TCF4: variants seen among roughly 807,000 people sequenced by gnomAD.
TCF4 encodes transcription factor 4.
A neutral mutation model predicts 82.1 loss-of-function variants in TCF4; 3 were observed. That is an observed-to-expected ratio of 0.04 (90% CI 0.02 to 0.09). The LOEUF (loss-of-function observed/expected upper bound fraction) is 0.09. Among genes scored for constraint, TCF4 ranks in the 10% least tolerant of loss-of-function variants. The pLI is 1.00. For synonymous variants in TCF4, 276 were observed against 309.6 expected (o/e 0.89, Z 1.14); for missense variants, 518 against 852.7 (o/e 0.61, Z 4.89).
chr18:55,277,711 C>G (rs1466936056), intron 9 of TCF4, among the ~76,000 whole-genome samples: 1 of 151,608 alleles, frequency 6.6e-6, no homozygotes, highest in Non-Finnish European at 1.5e-5. Context: ...TATAATCTAC[C>G]TGGCCTCTCC....
At chr18:55,327,388 A>C (rs976641793) in intron 8 of TCF4, among the ~76,000 whole-genome samples, 3 of 152,104 alleles carry the variant, frequency 2.0e-5, no homozygotes, top group African/African-American at 7.2e-5. Context: ...TCTCAGGTAA[A>C]ATACTTTTAA....
chr18:55,591,347 G>A (rs1209314851), upstream of TCF4: 2 of 152,198 alleles, frequency 1.3e-5, no homozygotes, highest in Admixed American at 1.3e-4. Flanking sequence ...ACAAACGTTG[G>A]GTTAGGAGAA....
intron 2 of TCF4, among the ~76,000 whole-genome samples, chr18:55,602,595 T>C (rs984884075): frequency 7.2e-5 from 11 of 152,208 alleles, no homozygotes; most frequent in African/African-American, 2.7e-4. Context: ...AAATGACTTT[T>C]CGATTATCAG....
intron 9 of TCF4, 99 bp downstream of exon 9, chr18:55,279,452 C>T (rs1280826403): frequency 1.3e-6 from 2 of 1,565,784 alleles, no homozygotes; most frequent in South Asian, 1.1e-5. Flanking sequence ...AAATTCTACA[C>T]TTGCCTACTA....
At chr18:55,288,108 G>C (rs965115109) in intron 8 of TCF4, among the ~76,000 whole-genome samples, 4 of 152,130 alleles carry the variant, frequency 2.6e-5, no homozygotes, top group Admixed American at 6.5e-5. Context: ...TGCCAGGAGA[G>C]ATGTGAGTGG....
At chr18:55,253,940 T>TA (rs2056033762) in intron 15 of TCF4, among the ~76,000 whole-genome samples, 1 of 152,200 alleles carries the variant, frequency 6.6e-6, no homozygotes, top group Non-Finnish European at 1.5e-5. Flanking sequence ...CACAAAAACT[T>TA]AAACATGAAT....
At chr18:55,241,282 C>T (rs1468931444) in intron 15 of TCF4, among the ~76,000 whole-genome samples, 1 of 152,198 alleles carries the variant, frequency 6.6e-6, no homozygotes, top group East Asian at 1.9e-4. Context: ...CCTCAATTCT[C>T]GACATCATTT....
At chr18:55,460,891 T>C in intron 5 of TCF4, 128 bp downstream of exon 5, 1 of 790,668 alleles carries the variant, frequency 1.3e-6, no homozygotes, top group Non-Finnish European at 2.1e-6. Context: ...CAATTTAAGA[T>C]TATTACAAGT....
At chr18:55,322,546 G>A (rs1206168202) in intron 8 of TCF4, among the ~76,000 whole-genome samples, 2 of 151,922 alleles carry the variant, frequency 1.3e-5, no homozygotes, top group African/African-American at 2.4e-5. Context: ...GAATGAAACA[G>A]AGTAGCAGTG....
intron 13 of TCF4, among the ~76,000 whole-genome samples, chr18:55,258,616 T>G (rs1214020650): frequency 6.6e-6 from 1 of 152,162 alleles, no homozygotes; most frequent in African/African-American, 2.4e-5. Context: ...CAGACTACAT[T>G]AGTCGTTCTC....
rs373535122 is a variant in TCF4, at chr18:55,586,147, G to A, written c.73-795C>T. On this transcript the variant is annotated intron_variant, in intron 2 of 19. Transcript: ENST00000354452. ...GGAGGAGGAGGAGAAGGAGGAGGAGGAGGAGGAGCAGCAGCAGCAGCAGCA... is the reference window on the plus strand; with the variant it reads ...GGAGGAGGAGGAGAAGGAGGAGGAGAAGGAGGAGCAGCAGCAGCAGCAGCA... 2.3e-6 allele frequency: 3 copies of A among 1,302,646 alleles called. 1 individual carries two copies. Among genetic ancestry groups the A allele is most frequent in the East Asian group, 3.3e-5 (1 of 30,278 alleles). 80.7% of individuals were successfully genotyped at this position (1,302,646 alleles called of 1,614,324 possible). A position where few individuals can be genotyped will look rare whatever the true frequency, so the allele number is the denominator to read the frequency against.
intron 3 of TCF4, among the ~76,000 whole-genome samples, chr18:55,518,373 T>C (rs2096902942): frequency 6.6e-6 from 1 of 151,720 alleles, no homozygotes; most frequent in African/African-American, 2.4e-5. Flanking sequence ...TATTAGAAAA[T>C]AGAAACAAAA....
intron 3 of TCF4, among the ~76,000 whole-genome samples, chr18:55,470,980 A>G (rs1050923193): frequency 6.6e-6 from 1 of 152,160 alleles, no homozygotes; most frequent in Admixed American, 6.5e-5. Context: ...GACTGCGTAC[A>G]TCTGTGGCTC....
chr18:55,389,670 G>C (rs1368628979), intron 6 of TCF4, among the ~76,000 whole-genome samples: 2 of 152,158 alleles, frequency 1.3e-5, no homozygotes, highest in Non-Finnish European at 2.9e-5. Context: ...TACGAAGGCT[G>C]AGGCTGCAGG....
At chr18:55,321,901 G>GC in intron 8 of TCF4, 1 of 1,408,070 alleles carries the variant, frequency 7.1e-7, no homozygotes, top group East Asian at 2.6e-5. Flanking sequence ...GCGGGCGGGG[G>GC]AGGCCGCGGC....
intron 8 of TCF4, among the ~76,000 whole-genome samples, chr18:55,293,220 T>C (rs551586957): frequency 6.6e-6 from 1 of 152,250 alleles, no homozygotes; most frequent in South Asian, 2.1e-4. Flanking sequence ...CAAGGGCCCA[T>C]CTGTAGGCAG....
At chr18:55,229,520 T>C (rs2047274128) in intron 17 of TCF4, 1 of 171,112 alleles carries the variant, frequency 5.8e-6, no homozygotes, top group East Asian at 1.6e-4. Flanking sequence ...TTTCATACCG[T>C]GACATCTGAA....
intron 8 of TCF4, among the ~76,000 whole-genome samples, chr18:55,349,174 T>G (rs993130672): frequency 1.3e-5 from 2 of 152,144 alleles, no homozygotes; most frequent in Non-Finnish European, 2.9e-5. Context: ...TTTTCTATAT[T>G]TATGAATAAT....
At chr18:55,357,504 C>CA (rs2083864734) in intron 6 of TCF4, among the ~76,000 whole-genome samples, 1 of 152,126 alleles carries the variant, frequency 6.6e-6, no homozygotes, top group Non-Finnish European at 1.5e-5. Flanking sequence ...AAAAATAGAA[C>CA]AATTTGAATA....
Sources: gnomAD v4.1 joint callset for allele counts (sites outside exome capture counted in the v4.1 genomes callset) on GRCh38, gnomAD v4.1.1 for gene constraint, MANE v1.5 for transcripts, NCBI Gene and HGNC (gene_info 2026-07-23, HGNC 2026-07-21) for gene names.